Variants in CA10 observed in about 807,000 individuals in gnomAD.
CA10 encodes carbonic anhydrase 10 (inactive), also known as carbonic anhydrase-related protein 10.
In CA10, 14 loss-of-function variants were observed where a neutral mutation model predicts 44.2. That is an observed-to-expected ratio of 0.32 (90% CI 0.21 to 0.50). CA10 has a LOEUF of 0.50. CA10 is among the 20% of genes least tolerant of loss of function. The pLI, the probability that CA10 is intolerant of heterozygous loss-of-function variation, is 0.99. For missense variants in CA10, 350 were observed against 409.7 expected (o/e 0.85, Z 1.26); for synonymous variants, 159 against 141.6 (o/e 1.12, Z -0.87).
chr17:51,945,294 C>T (rs1446900942), intron 2 of CA10, among the ~76,000 whole-genome samples: 1 of 152,030 alleles, frequency 6.6e-6, no homozygotes, highest in Non-Finnish European at 1.5e-5. Context: ...GGTCTGAGGT[C>T]CTGGAGCTCA....
chr17:51,947,169 C>T (rs780759310), intron 2 of CA10, among the ~76,000 whole-genome samples: 1 of 150,006 alleles, frequency 6.7e-6, no homozygotes, highest in African/African-American at 2.5e-5. Flanking sequence ...TCTTTAGAGG[C>T]CCTCAGGCAC....
chr17:51,900,492 A>C (rs1981266000), intron 3 of CA10, among the ~76,000 whole-genome samples: 1 of 152,130 alleles, frequency 6.6e-6, no homozygotes, highest in African/African-American at 2.4e-5. Flanking sequence ...GGAGAATCAG[A>C]TGACTATTTG....
At chr17:51,708,208 A>G (rs1482630339) in intron 4 of CA10, among the ~76,000 whole-genome samples, 1 of 152,164 alleles carries the variant, frequency 6.6e-6, no homozygotes, top group Non-Finnish European at 1.5e-5. Context: ...GGGAAAGAAA[A>G]GAGCTCTCAT....
chr17:52,151,647 T>C (rs1158958335), intron 1 of CA10, among the ~76,000 whole-genome samples: 1 of 152,158 alleles, frequency 6.6e-6, no homozygotes, highest in Non-Finnish European at 1.5e-5. Flanking sequence ...TTAATTGGCA[T>C]TTACAAAAAC....
chr17:51,739,862 A>G (rs1904387397), intron 4 of CA10, among the ~76,000 whole-genome samples: 1 of 152,076 alleles, frequency 6.6e-6, no homozygotes, highest in South Asian at 2.1e-4. Context: ...AGAATCTAGA[A>G]ATTTGATGTC....
At chr17:52,149,103 G>A (rs950384957) in intron 1 of CA10, among the ~76,000 whole-genome samples, 3 of 152,146 alleles carry the variant, frequency 2.0e-5, no homozygotes, top group African/African-American at 4.8e-5. Context: ...AGAGGGGAGC[G>A]GAAAGAGAAT....
At chr17:52,081,575 C>A (rs529368799) in intron 1 of CA10, among the ~76,000 whole-genome samples, 1 of 151,896 alleles carries the variant, frequency 6.6e-6, no homozygotes, top group East Asian at 2.0e-4. Context: ...CCGAGGCGGG[C>A]GGATCACGAG....
chr17:52,047,457 AATAG>A (rs1432886809), intron 2 of CA10, among the ~76,000 whole-genome samples: 9 of 151,848 alleles, frequency 5.9e-5, no homozygotes, highest in East Asian at 5.8e-4. Flanking sequence ...ATCTCAACAG[AATAG>A]ATATTTAAAA....
chr17:51,679,606 C>T (rs1454824698), intron 4 of CA10, among the ~76,000 whole-genome samples: 2 of 149,894 alleles, frequency 1.3e-5, no homozygotes, highest in Admixed American at 1.3e-4. Flanking sequence ...TGTCACCAGG[C>T]TGGAGTGCAG....
intron 2 of CA10, among the ~76,000 whole-genome samples, chr17:52,053,594 T>A (rs1201538783): frequency 6.6e-6 from 1 of 152,038 alleles, no homozygotes; most frequent in Non-Finnish European, 1.5e-5. Context: ...GAATGGACAT[T>A]GCTGAAAGCC....
At chr17:51,746,243 G>C (rs188320374) in intron 4 of CA10, among the ~76,000 whole-genome samples, 3 of 152,168 alleles carry the variant, frequency 2.0e-5, no homozygotes, top group Non-Finnish European at 4.4e-5. Flanking sequence ...GCTTTTGCTC[G>C]CACTAGCCCT....
chr17:51,652,182 G>T (rs549895794), intron 5 of CA10, among the ~76,000 whole-genome samples: 3 of 152,186 alleles, frequency 2.0e-5, no homozygotes, highest in East Asian at 1.9e-4. Flanking sequence ...TGTTATAAGC[G>T]ACATGAACTT....
Position 51,873,106 on chromosome 17 carries a change from G to A in CA10, c.279+57884C>T, listed in dbSNP as rs568563596. On this transcript the variant is annotated intron_variant, in intron 3 of 8. Coordinates refer to ENST00000451037, the MANE Select transcript of CA10 (RefSeq NM_020178.5). Reference sequence around the variant, plus strand: ...CTAATCTTTACTAACTGTGGGATTTGAGGGAAGTTATTTAAGTCTCTGCAT... The same window carrying A: ...CTAATCTTTACTAACTGTGGGATTTAAGGGAAGTTATTTAAGTCTCTGCAT... Among the ~76,000 whole-genome samples, 4 of 152,340 alleles carry A rather than the reference G, an allele frequency of 2.6e-5. No homozygotes were observed. The East Asian group carries it at 5.8e-4, about 22-fold the overall frequency.
At chr17:51,649,898 A>T (rs2143270496) in intron 5 of CA10, among the ~76,000 whole-genome samples, 1 of 148,034 alleles carries the variant, frequency 6.8e-6, no homozygotes, top group African/African-American at 2.4e-5. Context: ...AAAACTGAAA[A>T]GTATCACTGC....
intron 4 of CA10, among the ~76,000 whole-genome samples, chr17:51,716,414 A>G (rs1166885407): frequency 6.6e-6 from 1 of 152,160 alleles, no homozygotes; most frequent in East Asian, 1.9e-4. Context: ...AAGGATGTCT[A>G]AAATGCTCAT....
intron 4 of CA10, among the ~76,000 whole-genome samples, chr17:51,717,496 T>G (rs1916148802): frequency 1.4e-5 from 2 of 141,906 alleles, no homozygotes; most frequent in South Asian, 4.5e-4. Context: ...CCAACCCAAA[T>G]GCCCGTCAAT....
intron 2 of CA10, among the ~76,000 whole-genome samples, chr17:52,016,364 C>T (rs1985967568): frequency 6.6e-6 from 1 of 152,114 alleles, no homozygotes. Context: ...CTCTATATTT[C>T]CAGTGCATTG....
intron 4 of CA10, among the ~76,000 whole-genome samples, chr17:51,721,691 T>C (rs1916355148): frequency 6.6e-6 from 1 of 151,948 alleles, no homozygotes; most frequent in African/African-American, 2.4e-5. Flanking sequence ...ATCCATCTGG[T>C]GAGGGGTCAT....
chr17:52,052,138 G>C (rs539197435), intron 2 of CA10, among the ~76,000 whole-genome samples: 19 of 151,876 alleles, frequency 1.3e-4, no homozygotes, highest in African/African-American at 1.9e-4. Context: ...GAGGGTGGAG[G>C]GTGGGGGAAG....
Sources: gnomAD v4.1 joint callset for allele counts (sites outside exome capture counted in the v4.1 genomes callset) on GRCh38, gnomAD v4.1.1 for gene constraint, MANE v1.5 for transcripts, NCBI Gene and HGNC (gene_info 2026-07-23, HGNC 2026-07-21) for gene names.